The following SLC14A1 variants were observed in gnomAD, a reference collection of about 807,000 sequenced individuals.
The protein encoded by SLC14A1 is urea transporter 1.
A neutral mutation model predicts 39.6 loss-of-function variants in SLC14A1; 36 were observed. The ratio of observed to expected loss-of-function variants is 0.91; its 90% CI spans 0.70 to 1.20. SLC14A1 has a LOEUF of 1.20. SLC14A1 is among the 50% of genes most tolerant of loss of function. The probability of loss-of-function intolerance (pLI) is 0.00; values close to 1 mark genes in which losing one functional copy is unlikely to be tolerated. For missense variants in SLC14A1, 469 were observed against 478.7 expected (o/e 0.98, Z 0.19); for synonymous variants, 164 against 173.6 (o/e 0.94, Z 0.43).
Position 45,750,349 on chromosome 18 carries a change from G to A in SLC14A1, c.*398G>A. ...ACCCCATAAACCAACTAAGCCTTAT[G>A]GAATTCACAGTCACAAAATCGAAGT... is the stretch of plus-strand genomic sequence containing the variant. On this transcript the variant is annotated 3_prime_UTR_variant, in exon 10 of 10. Transcript: ENST00000321925. 9.3e-7 allele frequency: 1 copy of A among 1,070,406 alleles called. No individual in the cohort carries two copies. The highest frequency in any genetic ancestry group is 1.1e-6 in the Non-Finnish European group (1 of 881,786). 66.3% of individuals were successfully genotyped at this position (1,070,406 alleles called of 1,614,324 possible).
At position 45,751,609 on chromosome 18, in the gene SLC14A1, C is replaced by G; in HGVS notation, c.*1658C>G. 1 of 689,116 alleles carries G rather than the reference C, an allele frequency of 1.5e-6. No individual in the cohort carries two copies. The highest frequency in any genetic ancestry group is 2.0e-5 in the African/African-American group (1 of 51,174). 42.7% of individuals were successfully genotyped at this position (689,116 alleles called of 1,614,324 possible). On this transcript the variant is annotated 3_prime_UTR_variant, in exon 10 of 10. Transcript: ENST00000321925. ...CTTGGGCAACATAGCAAGACTCCATCTCTTAAAAAATAAAAATAGTAACAT... is the reference window on the plus strand; with the variant it reads ...CTTGGGCAACATAGCAAGACTCCATGTCTTAAAAAATAAAAATAGTAACAT...
chr18:45,730,495 A>G (rs1395547525), intron 3 of SLC14A1, 24 bp downstream of exon 3: 1 of 1,613,430 alleles, frequency 6.2e-7, no homozygotes, highest in Non-Finnish European at 8.5e-7. Flanking sequence ...CACATTTTGG[A>G]GAGACAGGAG....
At chr18:45,727,165 G>C in intron 2 of SLC14A1, 1 of 1,194,874 alleles carries the variant, frequency 8.4e-7, no homozygotes, top group Non-Finnish European at 1.2e-6. Flanking sequence ...CAGTGGGCGC[G>C]CTCCAGCCCC....
chr18:45,739,274 C>T lies in SLC14A1; in HGVS notation c.775C>T (p.His259Tyr), dbSNP rs1230282982. 2 of 1,614,174 alleles carry T rather than the reference C, an allele frequency of 1.2e-6. No individual in the cohort carries two copies. The highest frequency in any genetic ancestry group is 3.3e-5 in the Admixed American group (2 of 60,026). Residue 259 changes from histidine (H) to tyrosine (Y), a missense_variant, in exon 7 of 10, where the codon CAT becomes TAT. By Grantham distance (83) the His-to-Tyr change is moderately conservative. Coordinates refer to ENST00000321925, the MANE Select transcript of SLC14A1 (RefSeq NM_015865.7). ...ACTCTCCTCCCCACTCATGTGCCTG[C>T]ATGCTGCCATAGGATCATTGCTGGG... The part of the protein sequence containing the change: ...ILLSSPLMCL[H>Y]AAIGSLLGIA...
intron 2 of SLC14A1, chr18:45,727,440 T>G: frequency 6.5e-7 from 1 of 1,530,230 alleles, no homozygotes; most frequent in Non-Finnish European, 8.8e-7. Context: ...TCGTGCAGCC[T>G]CTGGCTCGGG....
At chr18:45,734,613 G>A (rs561973585) in intron 5 of SLC14A1, among the ~76,000 whole-genome samples, 246 of 152,296 alleles carry the variant, frequency 1.6e-3, no homozygotes, top group Non-Finnish European at 2.7e-3. Context: ...GGTGGTTCTT[G>A]TTTGTAGTCC....
intron 6 of SLC14A1, among the ~76,000 whole-genome samples, chr18:45,738,442 CTG>C (rs904028307): frequency 2.0e-5 from 3 of 152,214 alleles, no homozygotes; most frequent in African/African-American, 7.2e-5. Context: ...AACTGCAATT[CTG>C]TGAACAGAAT....
chr18:45,733,916 T>G (rs763576833), intron 4 of SLC14A1, among the ~76,000 whole-genome samples: 6 of 152,204 alleles, frequency 3.9e-5, no homozygotes, highest in Non-Finnish European at 8.8e-5. Context: ...GTGAGGGATC[T>G]AGGTTGCTTG....
intron 2 of SLC14A1, among the ~76,000 whole-genome samples, chr18:45,725,313 TGAAA>T (rs763951939): frequency 9.2e-5 from 14 of 152,242 alleles, no homozygotes; most frequent in Non-Finnish European, 1.6e-4. Flanking sequence ...ATCTGGGGTA[TGAAA>T]AGTGCTTTTT....
intron 2 of SLC14A1, among the ~76,000 whole-genome samples, chr18:45,727,981 G>A (rs911526952): frequency 3.5e-4 from 54 of 152,278 alleles, no homozygotes; most frequent in African/African-American, 1.3e-3. Flanking sequence ...CAGAATAAAT[G>A]GTTCCTGGGG....
At chr18:45,732,520 C>A (rs1005077548) in intron 4 of SLC14A1, among the ~76,000 whole-genome samples, 5 of 152,194 alleles carry the variant, frequency 3.3e-5, no homozygotes, top group Non-Finnish European at 7.3e-5. Context: ...AATAGGGAAC[C>A]CCACATTTAA....
At chr18:45,735,339 G>A (rs1361944488) in intron 5 of SLC14A1, among the ~76,000 whole-genome samples, 1 of 152,208 alleles carries the variant, frequency 6.6e-6, no homozygotes, top group African/African-American at 2.4e-5. Context: ...GGTGGGGCCC[G>A]AGAATTTGCG....
intron 8 of SLC14A1, among the ~76,000 whole-genome samples, chr18:45,743,779 CTTAAGT>C (rs1386423391): frequency 6.6e-6 from 1 of 152,134 alleles, no homozygotes; most frequent in African/African-American, 2.4e-5. Context: ...CTCTCAATTG[CTTAAGT>C]TTATCAACAT....
intron 8 of SLC14A1, among the ~76,000 whole-genome samples, chr18:45,742,356 T>G (rs969212351): frequency 2.1e-5 from 3 of 144,376 alleles, no homozygotes; most frequent in Non-Finnish European, 3.0e-5. Flanking sequence ...TTTTTTGGTT[T>G]TTTTTTTTTT....
chr18:45,728,660 A>C (rs556087012), intron 2 of SLC14A1, among the ~76,000 whole-genome samples: 16 of 152,320 alleles, frequency 1.1e-4, no homozygotes, highest in Non-Finnish European at 2.2e-4. Flanking sequence ...ATAAGTGCTT[A>C]ATTATTCATA....
intron 8 of SLC14A1, among the ~76,000 whole-genome samples, chr18:45,745,815 G>C (rs1015330217): frequency 2.6e-5 from 4 of 152,160 alleles, no homozygotes; most frequent in Non-Finnish European, 4.4e-5. Flanking sequence ...TTAAATCTCT[G>C]TGCATGGATT....
intron 4 of SLC14A1, 85 bp downstream of exon 4, chr18:45,731,289 C>A: frequency 7.8e-7 from 1 of 1,278,904 alleles, no homozygotes; most frequent in Non-Finnish European, 1.1e-6. Context: ...GATAAAACCA[C>A]ATCCTTCCCA....
rs992746492 is a variant in SLC14A1, at chr18:45,739,329, A to G, written c.811+19A>G. 1 of 1,613,986 alleles carries G rather than the reference A, an allele frequency of 6.2e-7. No homozygotes were observed. Among genetic ancestry groups the G allele is most frequent in the Non-Finnish European group, 8.5e-7 (1 of 1,179,970 alleles). On this transcript the variant is annotated intron_variant, in intron 7 of 9. Transcript: ENST00000321925. ...GCAGCGGGTGAGCACAAGAGCCCTTACCAAATATTGAGCACCTCCTCCATC... is the reference window on the plus strand; with the variant it reads ...GCAGCGGGTGAGCACAAGAGCCCTTGCCAAATATTGAGCACCTCCTCCATC...
rs542969894 is a variant in SLC14A1, at chr18:45,730,772, G to A, written c.152-243G>A. On this transcript the variant is annotated intron_variant, in intron 3 of 9. Coordinates refer to ENST00000321925, the MANE Select transcript of SLC14A1 (RefSeq NM_015865.7). The stretch of plus-strand genomic sequence containing the variant: ...TGTACCTATAAGCATGAAAATAAGT[G>A]CATTAGATGCTTTCAGGAGCTTAGA... Among the ~76,000 whole-genome samples, 5 of 152,264 alleles carry A rather than the reference G, an allele frequency of 3.3e-5. No individual in the cohort carries two copies. The South Asian group carries it at 1.0e-3, about 32-fold the overall frequency.
Sources: gnomAD v4.1 joint callset for allele counts (sites outside exome capture counted in the v4.1 genomes callset) on GRCh38, gnomAD v4.1.1 for gene constraint, MANE v1.5 for transcripts, NCBI Gene and HGNC (gene_info 2026-07-23, HGNC 2026-07-21) for gene names.